The following TRAPPC9 variants were observed in gnomAD, a reference collection of about 807,000 sequenced individuals.
The protein encoded by TRAPPC9 is trafficking protein particle complex subunit 9, also known as IKK2 binding protein.
In TRAPPC9, 83 loss-of-function variants were observed where a neutral mutation model predicts 124.0. The ratio of observed to expected loss-of-function variants is 0.67; its 90% confidence interval spans 0.56 to 0.80. The LOEUF (loss-of-function observed/expected upper bound fraction) is 0.80. Among genes scored for constraint, TRAPPC9 ranks in the 30% least tolerant of loss-of-function variants. The pLI, the probability that TRAPPC9 is intolerant of heterozygous loss-of-function variation, is 0.00. For synonymous variants in TRAPPC9, 638 were observed against 617.5 expected, an observed-to-expected ratio of 1.03 and a Z score of -0.49; for missense variants, 1,302 against 1,508.3, an observed-to-expected ratio of 0.86 and a Z score of 2.27.
intron 9 of TRAPPC9, among the ~76,000 whole-genome samples, chr8:140,312,238 G>C (rs2131887554): frequency 6.6e-6 from 1 of 152,344 alleles, no homozygotes; most frequent in South Asian, 2.1e-4. Context: ...GCAGCATCTA[G>C]CTTCTCTGTG....
chr8:140,439,504 A>G lies in TRAPPC9; in HGVS notation c.585-307T>C, dbSNP rs561330811. 5.8e-4 allele frequency among the ~76,000 whole-genome samples: 89 copies of G among 152,362 alleles called. No individual in the cohort carries two copies. In the East Asian group the frequency reaches 0.016, roughly 28 times the overall value. The stretch of plus-strand genomic sequence containing the variant: ...ATTTTCCAGTTGTAACATTAGCATA[A>G]GGAAGTTTATGTTTCAGCTTTTTAA... On this transcript the variant is annotated intron_variant, in intron 2 of 22. Coordinates refer to ENST00000438773, the MANE Select transcript of TRAPPC9 (RefSeq NM_001160372.4).
chr8:139,839,717 C>T (rs1247656858), intron 21 of TRAPPC9, among the ~76,000 whole-genome samples: 5 of 152,206 alleles, frequency 3.3e-5, no homozygotes, highest in Non-Finnish European at 2.9e-5. Flanking sequence ...GCTGAAATGC[C>T]GCTGCCTCCA....
At chr8:139,752,893 A>G (rs1224727185) in intron 21 of TRAPPC9, among the ~76,000 whole-genome samples, 1 of 147,822 alleles carries the variant, frequency 6.8e-6, no homozygotes, top group South Asian at 2.2e-4. Context: ...CCATCCATCC[A>G]TCCACCCATC....
At position 139,907,212 on chromosome 8, in the gene TRAPPC9, G is replaced by A. The variant is rs773473488; in HGVS notation, c.2964+2935C>T. Among the ~76,000 whole-genome samples the A allele has an allele frequency of 4.9e-4, 74 of 152,270 alleles. No homozygotes were observed. The highest frequency in any genetic ancestry group is 8.2e-4 in the Non-Finnish European group (56 of 68,026). On this transcript the variant is annotated intron_variant, in intron 20 of 22. Coordinates refer to ENST00000438773, the MANE Select transcript of TRAPPC9 (RefSeq NM_001160372.4). This position sits in a 1 kb window ranked among gnomAD's most constrained non-coding sequence, Gnocchi z 4.7. Reference sequence around the variant, plus strand: ...GCCCTGGGCTGCCCATCGTGTCACCGTAGCTGCTTCATAGACAGGTGTGCA... The same window carrying A: ...GCCCTGGGCTGCCCATCGTGTCACCATAGCTGCTTCATAGACAGGTGTGCA...
At chr8:140,349,547 T>C (rs2067479698) in intron 9 of TRAPPC9, among the ~76,000 whole-genome samples, 1 of 152,128 alleles carries the variant, frequency 6.6e-6, no homozygotes, top group Admixed American at 6.5e-5. Flanking sequence ...TTGGCTGGGC[T>C]GAGCTGAGCT....
intron 17 of TRAPPC9, among the ~76,000 whole-genome samples, chr8:140,186,186 A>C (rs2062350576): frequency 6.6e-6 from 1 of 152,264 alleles, no homozygotes; most frequent in Admixed American, 6.5e-5. Context: ...GCAAATTTAA[A>C]GAACCCCATT....
rs771842366 is a variant in TRAPPC9, at chr8:140,451,379, A to G, written c.-6T>C. 3.7e-6 allele frequency: 6 copies of G among 1,600,722 alleles called. No homozygotes were observed. The highest frequency in any genetic ancestry group is 5.1e-6 in the Non-Finnish European group (6 of 1,179,552). On this transcript the variant is annotated 5_prime_UTR_variant, in exon 2 of 23. Coordinates refer to ENST00000438773, the MANE Select transcript of TRAPPC9 (RefSeq NM_001160372.4). Reference sequence around the variant, plus strand: ...ATGTAGTCAGGGACGCTCATTTTGAAGTCCCTGTTCAGAGAGAAGAAATGA... The same window carrying G: ...ATGTAGTCAGGGACGCTCATTTTGAGGTCCCTGTTCAGAGAGAAGAAATGA...
intron 17 of TRAPPC9, among the ~76,000 whole-genome samples, chr8:140,149,011 T>C (rs1271632682): frequency 6.6e-6 from 1 of 152,216 alleles, no homozygotes; most frequent in Admixed American, 6.5e-5. Context: ...ATGTTCACTG[T>C]CTTTAAAACA....
At chr8:139,822,810 T>C (rs1451327708) in intron 21 of TRAPPC9, among the ~76,000 whole-genome samples, 1 of 152,240 alleles carries the variant, frequency 6.6e-6, no homozygotes, top group Non-Finnish European at 1.5e-5. Context: ...TGTTCCTGCC[T>C]GCCACAGTCA....
intron 5 of TRAPPC9, among the ~76,000 whole-genome samples, chr8:140,422,432 T>G (rs1324195608): frequency 1.3e-5 from 2 of 152,018 alleles, no homozygotes; most frequent in African/African-American, 4.8e-5. Flanking sequence ...GAATCATATA[T>G]CAAAGGACTC....
In TRAPPC9 at chr8:139,905,248, G is replaced by C. The variant is rs370786113; in HGVS notation, c.2964+4899C>G. ...AAGCAGGAGAGGTCTGGGTCGGGGG[G>C]CTGGGGGGAAGGATTCTCTTTAAAA... is the stretch of plus-strand genomic sequence containing the variant. On this transcript the variant is annotated intron_variant, in intron 20 of 22. Coordinates refer to ENST00000438773, the MANE Select transcript of TRAPPC9 (RefSeq NM_001160372.4). Among the ~76,000 whole-genome samples, 250 of 152,174 alleles carry C rather than the reference G, an allele frequency of 1.6e-3. 1 individual carries two copies. Among genetic ancestry groups the C allele is most frequent in the African/African-American group, 5.7e-3 (236 of 41,512 alleles).
intron 11 of TRAPPC9, among the ~76,000 whole-genome samples, chr8:140,298,962 T>G (rs2065888777): frequency 6.6e-6 from 1 of 152,170 alleles, no homozygotes. Flanking sequence ...AAAGCATCAA[T>G]GGGCCAGTGT....
intron 16 of TRAPPC9, among the ~76,000 whole-genome samples, chr8:140,229,614 G>A (rs1443657311): frequency 6.6e-6 from 1 of 151,680 alleles, no homozygotes; most frequent in East Asian, 1.9e-4. Flanking sequence ...TGTCGCTGAG[G>A]CTGGAGTGTA....
intron 1 of TRAPPC9, among the ~76,000 whole-genome samples, chr8:140,451,948 C>T (rs2071476939): frequency 6.6e-6 from 1 of 152,058 alleles, no homozygotes; most frequent in African/African-American, 2.4e-5. Flanking sequence ...TGGTGAAACC[C>T]CACCTATACT....
intron 21 of TRAPPC9, among the ~76,000 whole-genome samples, chr8:139,861,947 G>A (rs1295269120): frequency 3.9e-5 from 6 of 152,026 alleles, no homozygotes; most frequent in Non-Finnish European, 7.3e-5. Flanking sequence ...TTGTGTCCAC[G>A]TGTTTTTATC....
At chr8:139,976,629 G>A (rs980679373) in intron 19 of TRAPPC9, among the ~76,000 whole-genome samples, 5 of 152,230 alleles carry the variant, frequency 3.3e-5, no homozygotes, top group Non-Finnish European at 5.9e-5. Context: ...AGGGATCTGC[G>A]CACGGCTCGT....
At chr8:139,949,329 T>C (rs1834483571) in intron 19 of TRAPPC9, among the ~76,000 whole-genome samples, 1 of 152,130 alleles carries the variant, frequency 6.6e-6, no homozygotes, top group South Asian at 2.1e-4. Context: ...TCACCAAAGC[T>C]GACTAAAGAA....
rs112151702 is a variant in TRAPPC9, at chr8:140,152,513, A to G, written c.2556+68946T>C. ...GTAGATGGGACTACAGGTGCCTGCC[A>G]CCACGCCTGGCTAATTTTTTGTATT... On this transcript the variant is annotated intron_variant, in intron 17 of 22. Transcript: ENST00000438773. Among the ~76,000 whole-genome samples the G allele has an allele frequency of 4.1e-3, 624 of 150,906 alleles. 5 individuals carry two copies. The highest frequency in any genetic ancestry group is 0.015 in the African/African-American group (601 of 41,178).
rs758472853 is a variant in TRAPPC9 at position 140,164,304 on chromosome 8, T to G, written c.2556+57155A>C. On this transcript the variant is annotated intron_variant, in intron 17 of 22. Coordinates refer to ENST00000438773, the MANE Select transcript of TRAPPC9 (RefSeq NM_001160372.4). ...TTCTGCCCATAAACTCTATAGAAAC[T>G]TCCCCTAAAAATTTCCTAAGTCGTC... 8.1e-4 allele frequency among the ~76,000 whole-genome samples: 123 copies of G among 152,326 alleles called. 2 individuals are homozygous for G. Among genetic ancestry groups the G allele is most frequent in the Non-Finnish European group, 4.1e-4 (28 of 68,026 alleles).
Sources: allele counts gnomAD v4.1 joint callset (sites outside exome capture counted in the v4.1 genomes callset), GRCh38; gene constraint gnomAD v4.1.1; non-coding constraint Gnocchi (gnomAD v3.1); transcripts MANE v1.5; gene names NCBI Gene and HGNC (gene_info 2026-07-23, HGNC 2026-07-21).